Variants in ZNF487 observed in about 807,000 individuals in gnomAD.
ZNF487 encodes zinc finger protein 487, also known as KRAB domain only 1.
Under a neutral mutation model 3.0 loss-of-function variants are expected in ZNF487, and 4 were observed. The ratio of observed to expected loss-of-function variants is 1.35; its 90% CI spans 0.66 to 3.08. ZNF487 has a LOEUF of 3.08. Among genes scored for constraint, ZNF487 ranks in the 30% most tolerant of loss-of-function variants. The pLI is 0.01. For synonymous variants in ZNF487, 55 were observed against 34.6 expected, an observed-to-expected ratio of 1.59 and a Z score of -2.06; for missense variants, 146 against 98.7, an observed-to-expected ratio of 1.48 and a Z score of -2.03.
the ZNF487 span, among the ~76,000 whole-genome samples, chr10:43,516,693 CT>C: frequency 1.3e-5 from 2 of 152,242 alleles, no homozygotes; most frequent in Middle Eastern, 3.4e-3. Context: ...ATTTTTCTGC[CT>C]GCTTATATTC....
At chr10:43,436,860 G>A, upstream of ZNF487, 1 of 468,164 alleles carries the variant, frequency 2.1e-6, no homozygotes, top group East Asian at 7.1e-5. Context: ...GCCCCCGGAC[G>A]CCCAGCCGCG....
At chr10:43,455,838 G>C (rs1437935051) in intron 1 of ZNF487, among the ~76,000 whole-genome samples, 1 of 152,242 alleles carries the variant, frequency 6.6e-6, no homozygotes, top group African/African-American at 2.4e-5. Context: ...CTCTTGTGCG[G>C]ACGCCACTGC....
intron 1 of ZNF487, among the ~76,000 whole-genome samples, chr10:43,468,357 C>T (rs1840778495): frequency 6.6e-6 from 1 of 152,084 alleles, no homozygotes; most frequent in Non-Finnish European, 1.5e-5. Context: ...AATTAAACAG[C>T]ATCTCATGCT....
chr10:43,454,354 G>A (rs964476245), intron 1 of ZNF487: 4 of 152,138 alleles, frequency 2.6e-5, no homozygotes, highest in East Asian at 1.9e-4. Context: ...CCTGGCCCTC[G>A]ACTCACAGAT....
intron 1 of ZNF487, 149 bp from the exon 2 acceptor site, chr10:43,475,572 C>T (rs1841066420): frequency 1.6e-6 from 1 of 610,162 alleles, no homozygotes; most frequent in Non-Finnish European, 3.0e-6. Flanking sequence ...TCTCATTTTC[C>T]TACAATGTAT....
At chr10:43,455,227 G>A (rs1840140797) in intron 1 of ZNF487, among the ~76,000 whole-genome samples, 1 of 151,994 alleles carries the variant, frequency 6.6e-6, no homozygotes, top group Non-Finnish European at 1.5e-5. Context: ...TAGCCAGGAT[G>A]GTCTCGATCT....
the ZNF487 span, among the ~76,000 whole-genome samples, chr10:43,492,305 T>TG: frequency 6.6e-6 from 1 of 151,802 alleles, no homozygotes; most frequent in African/African-American, 2.4e-5. Context: ...TACTATTCTA[T>TG]GTCATCAAAA....
chr10:43,514,313 G>A, the ZNF487 span, among the ~76,000 whole-genome samples: 1 of 152,058 alleles, frequency 6.6e-6, no homozygotes, highest in African/African-American at 2.4e-5. Context: ...GCTAATTTTT[G>A]TATTTTTAGT....
the ZNF487 span, among the ~76,000 whole-genome samples, chr10:43,514,893 T>G: frequency 3.3e-5 from 5 of 152,186 alleles, no homozygotes; most frequent in Non-Finnish European, 5.9e-5. Context: ...CTAAAGTGAC[T>G]AATCCACTCC....
At chr10:43,465,567 T>C (rs910009864) in intron 1 of ZNF487, among the ~76,000 whole-genome samples, 1 of 133,694 alleles carries the variant, frequency 7.5e-6, no homozygotes, top group African/African-American at 2.9e-5. Flanking sequence ...GGGGCAGAGG[T>C]GCTCCCCACA....
chr10:43,458,795 C>A (rs571629386), intron 1 of ZNF487, among the ~76,000 whole-genome samples: 1 of 152,026 alleles, frequency 6.6e-6, no homozygotes, highest in South Asian at 2.1e-4. Context: ...GGGATGGAGG[C>A]ACCTTGGTCC....
the ZNF487 span, among the ~76,000 whole-genome samples, chr10:43,494,748 T>C: frequency 1.5e-5 from 2 of 135,804 alleles, no homozygotes; most frequent in African/African-American, 2.9e-5. Flanking sequence ...GGTGAAACCC[T>C]GTCTCTACTA....
the ZNF487 span, among the ~76,000 whole-genome samples, chr10:43,518,125 C>T: frequency 2.6e-5 from 4 of 152,114 alleles, no homozygotes; most frequent in African/African-American, 9.7e-5. Context: ...CTCACAGATA[C>T]CCAGAATAAA....
chr10:43,464,172 C>T (rs1308981320), intron 1 of ZNF487, among the ~76,000 whole-genome samples: 3 of 149,210 alleles, frequency 2.0e-5, no homozygotes, highest in African/African-American at 7.4e-5. Flanking sequence ...CAAAGGAAAA[C>T]TTTTTTTTTC....
intron 1 of ZNF487, among the ~76,000 whole-genome samples, chr10:43,469,579 G>A (rs1346667587): frequency 2.0e-5 from 3 of 151,914 alleles, no homozygotes; most frequent in East Asian, 3.9e-4. Context: ...TGGTTCAAAT[G>A]ATCCTCCCAC....
the ZNF487 span, among the ~76,000 whole-genome samples, chr10:43,521,020 T>C: frequency 6.6e-6 from 1 of 152,168 alleles, no homozygotes; most frequent in Non-Finnish European, 1.5e-5. Context: ...GTATTGTTAA[T>C]ATTGTGTTGA....
intron 1 of ZNF487, among the ~76,000 whole-genome samples, chr10:43,464,077 C>T (rs1031502664): frequency 1.3e-5 from 2 of 152,054 alleles, no homozygotes; most frequent in African/African-American, 4.8e-5. Flanking sequence ...GCTAGAAATA[C>T]TTAAGCTTAA....
At chr10:43,466,821 G>A (rs1381740472) in intron 1 of ZNF487, among the ~76,000 whole-genome samples, 1 of 152,146 alleles carries the variant, frequency 6.6e-6, no homozygotes, top group African/African-American at 2.4e-5. Flanking sequence ...TGAAATTAAT[G>A]TTGTTTTCAT....
At chr10:43,507,949 G>T in the ZNF487 span, among the ~76,000 whole-genome samples, 1 of 152,222 alleles carries the variant, frequency 6.6e-6, no homozygotes, top group East Asian at 1.9e-4. Context: ...CAATAAAAAA[G>T]CCTGTGTCAT....
Sources: gnomAD v4.1 joint callset for allele counts (sites outside exome capture counted in the v4.1 genomes callset) on GRCh38, gnomAD v4.1.1 for gene constraint, MANE v1.5 for transcripts, NCBI Gene and HGNC (gene_info 2026-07-23, HGNC 2026-07-21) for gene names.